The following XKR9 variants were observed in gnomAD, a reference collection of about 807,000 sequenced individuals.
The protein encoded by XKR9 is XK-related protein 9.
In XKR9, 32 loss-of-function variants were observed where a neutral mutation model predicts 32.0. The ratio of observed to expected loss-of-function variants is 1.00; its 90% CI spans 0.76 to 1.34. The LOEUF (loss-of-function observed/expected upper bound fraction) is 1.34. Among genes scored for constraint, XKR9 ranks in the 40% most tolerant of loss-of-function variants. The pLI, the probability that XKR9 is intolerant of heterozygous loss-of-function variation, is 0.00. For synonymous variants in XKR9, 168 were observed against 143.4 expected, an observed-to-expected ratio of 1.17 and a Z score of -1.22; for missense variants, 546 against 429.7, an observed-to-expected ratio of 1.27 and a Z score of -2.39.
chr8:70,723,080 G>A (rs1472823767), intron 4 of XKR9, among the ~76,000 whole-genome samples: 1 of 151,866 alleles, frequency 6.6e-6, no homozygotes, highest in Non-Finnish European at 1.5e-5. Flanking sequence ...CCTTCTGCTT[G>A]ATTGATTTGG....
the XKR9 span, among the ~76,000 whole-genome samples, chr8:71,031,506 CA>C: frequency 6.6e-6 from 1 of 152,256 alleles, no homozygotes; most frequent in East Asian, 1.9e-4. Context: ...TTCCCATCCA[CA>C]AAATGGTGAG....
intron 4 of XKR9, among the ~76,000 whole-genome samples, chr8:70,729,540 G>C (rs1806589724): frequency 6.6e-6 from 1 of 151,822 alleles, no homozygotes; most frequent in Non-Finnish European, 1.5e-5. Context: ...TTGCATTCAA[G>C]AGCACCTGTC....
intron 2 of XKR9, among the ~76,000 whole-genome samples, chr8:70,741,760 G>T (rs1806988192): frequency 6.6e-6 from 1 of 152,078 alleles, no homozygotes; most frequent in Admixed American, 6.5e-5. Flanking sequence ...CAGTTCTTTT[G>T]GATATGTACT....
In XKR9 at chr8:70,734,714, C is replaced by A. The variant is rs1303697273; in HGVS notation, c.*290C>A. The A allele has an allele frequency of 9.2e-6, 2 of 217,516 alleles. No individual in the cohort carries two copies. The highest frequency in any genetic ancestry group is 1.8e-5 in the Non-Finnish European group (2 of 113,298). 13.5% of individuals were successfully genotyped at this position (217,516 alleles called of 1,614,324 possible). A position where few individuals can be genotyped will look rare whatever the true frequency, so the allele number is the denominator to read the frequency against. The stretch of plus-strand genomic sequence containing the variant: ...AATGAGAAGGCTGGAATTGAGCTTC[C>A]CTCCCATTTTCCTTGTTCCTGAACT... On this transcript the variant is annotated 3_prime_UTR_variant, in exon 5 of 5. Transcript: ENST00000408926.
At chr8:71,010,665 G>A in the XKR9 span, among the ~76,000 whole-genome samples, 2 of 152,162 alleles carry the variant, frequency 1.3e-5, no homozygotes, top group Admixed American at 6.5e-5. Context: ...TAAGGCCAAG[G>A]GGATTGCAAA....
At chr8:70,982,707 C>T in the XKR9 span, among the ~76,000 whole-genome samples, 1 of 152,140 alleles carries the variant, frequency 6.6e-6, no homozygotes, top group African/African-American at 2.4e-5. Flanking sequence ...TCTGTGGATT[C>T]TCTTGGCTTT....
chr8:70,736,462 T>C (rs995455263), downstream of XKR9, among the ~76,000 whole-genome samples: 1 of 152,240 alleles, frequency 6.6e-6, no homozygotes, highest in Non-Finnish European at 1.5e-5. Flanking sequence ...GCAGAAGCTC[T>C]TTATTTTAAT....
the XKR9 span, among the ~76,000 whole-genome samples, chr8:70,971,665 A>G: frequency 6.6e-6 from 1 of 152,164 alleles, no homozygotes; most frequent in Non-Finnish European, 1.5e-5. Context: ...ATCCAGTTTC[A>G]TTCTTCTACA....
chr8:70,770,689 T>C (rs1438695864), intron 2 of XKR9, among the ~76,000 whole-genome samples: 1 of 152,140 alleles, frequency 6.6e-6, no homozygotes, highest in Non-Finnish European at 1.5e-5. Flanking sequence ...CAGCCTGACC[T>C]TCCCAGTGGC....
At chr8:70,687,312 C>CTTTCTT (rs1554544431) in intron 3 of XKR9, among the ~76,000 whole-genome samples, 1 of 138,252 alleles carries the variant, frequency 7.2e-6, no homozygotes, top group Non-Finnish European at 1.5e-5. Context: ...TCTCTCCTCC[C>CTTTCTT]TCTTTCTTTC....
chr8:70,813,377 A>T, the XKR9 span, among the ~76,000 whole-genome samples: 2 of 152,250 alleles, frequency 1.3e-5, no homozygotes, highest in Non-Finnish European at 2.9e-5. Context: ...GGACATAGGC[A>T]TGCGCAAGGT....
At chr8:70,738,917 G>A (rs1361622946), downstream of XKR9, among the ~76,000 whole-genome samples, 1 of 152,284 alleles carries the variant, frequency 6.6e-6, no homozygotes, top group Non-Finnish European at 1.5e-5. Context: ...GAATAGGTGT[G>A]GTGTGGTACT....
At chr8:70,926,578 C>A in the XKR9 span, among the ~76,000 whole-genome samples, 1 of 152,068 alleles carries the variant, frequency 6.6e-6, no homozygotes, top group Admixed American at 6.5e-5. Context: ...TGTATTTGAT[C>A]TGATTCACTT....
the XKR9 span, among the ~76,000 whole-genome samples, chr8:70,933,436 G>GTT: frequency 1.2e-4 from 17 of 143,648 alleles, no homozygotes; most frequent in African/African-American, 2.3e-4. Context: ...GGGAAGAACA[G>GTT]TTTTTTTTTT....
chr8:70,887,022 C>T, the XKR9 span, among the ~76,000 whole-genome samples: 1 of 152,102 alleles, frequency 6.6e-6, no homozygotes, highest in African/African-American at 2.4e-5. Context: ...AATGGTGTCG[C>T]CTAGGTTTCC....
chr8:70,878,609 C>A, the XKR9 span, among the ~76,000 whole-genome samples: 3 of 152,136 alleles, frequency 2.0e-5, no homozygotes, highest in African/African-American at 7.2e-5. Context: ...AGCTAACTAT[C>A]CTAAATATAT....
chr8:70,817,431 A>T, the XKR9 span, among the ~76,000 whole-genome samples: 1 of 152,152 alleles, frequency 6.6e-6, no homozygotes, highest in Non-Finnish European at 1.5e-5. Context: ...AAGTTCAAAG[A>T]TCTCTACAAG....
chr8:70,742,309 G>A (rs564520158), intron 2 of XKR9, among the ~76,000 whole-genome samples: 1 of 152,268 alleles, frequency 6.6e-6, no homozygotes, highest in South Asian at 2.1e-4. Flanking sequence ...GGTTTACCTT[G>A]GGCACATGAT....
At chr8:71,034,610 C>T in the XKR9 span, among the ~76,000 whole-genome samples, 2 of 152,154 alleles carry the variant, frequency 1.3e-5, no homozygotes, top group Admixed American at 1.3e-4. Context: ...CCCGAAGAGG[C>T]CACATGTAGG....
Sources: allele counts gnomAD v4.1 joint callset (sites outside exome capture counted in the v4.1 genomes callset), GRCh38; gene constraint gnomAD v4.1.1; transcripts MANE v1.5; gene names NCBI Gene and HGNC (gene_info 2026-07-23, HGNC 2026-07-21).